The following SAMD12 variants were observed in gnomAD, a reference collection of about 807,000 sequenced individuals.
SAMD12 encodes sterile alpha motif domain containing 12, also known as sterile alpha motif domain-containing protein 12.
A neutral mutation model predicts 15.0 loss-of-function variants in SAMD12; 9 were observed. The ratio of observed to expected loss-of-function variants is 0.60; its 90% CI spans 0.36 to 1.05. The LOEUF is 1.05. Among genes scored for constraint, SAMD12 ranks in the 50% least tolerant of loss-of-function variants. SAMD12 has a pLI of 0.01. For synonymous variants in SAMD12, 86 were observed against 90.1 expected (o/e 0.96, Z 0.25); for missense variants, 230 against 234.2 (o/e 0.98, Z 0.12).
intron 4 of SAMD12, among the ~76,000 whole-genome samples, chr8:118,304,482 C>G (rs561563475): frequency 1.5e-4 from 23 of 152,282 alleles, no homozygotes; most frequent in African/African-American, 5.1e-4. Flanking sequence ...TTAAAAATGA[C>G]TTATCCAGTG....
chr8:118,324,956 T>C (rs1463405887), intron 4 of SAMD12, among the ~76,000 whole-genome samples: 1 of 152,194 alleles, frequency 6.6e-6, no homozygotes, highest in African/African-American at 2.4e-5. Context: ...TGAATTAACC[T>C]ACACCATGCT....
At chr8:118,595,994 G>A (rs1302111372) in intron 1 of SAMD12, among the ~76,000 whole-genome samples, 1 of 152,188 alleles carries the variant, frequency 6.6e-6, no homozygotes, top group Non-Finnish European at 1.5e-5. Flanking sequence ...GATATAAGTG[G>A]ACAAGATGTG....
At chr8:118,138,798 G>A in the SAMD12 span, among the ~76,000 whole-genome samples, 1 of 152,182 alleles carries the variant, frequency 6.6e-6, no homozygotes, top group African/African-American at 2.4e-5. Context: ...CAGTTCAGGA[G>A]GCTGCAGGAG....
intron 2 of SAMD12, among the ~76,000 whole-genome samples, chr8:118,486,239 T>A (rs62531880): frequency 6.6e-6 from 1 of 150,876 alleles, no homozygotes; most frequent in Non-Finnish European, 1.5e-5. Flanking sequence ...ACGGTGAAAC[T>A]CCGTCTCTAC....
chr8:118,580,951 G>C, intron 1 of SAMD12, 58 bp from the exon 2 acceptor site: 1 of 1,372,000 alleles, frequency 7.3e-7, no homozygotes, highest in Non-Finnish European at 1.0e-6. Context: ...AGGTGTCCAT[G>C]ACAGAAAATA....
intron 2 of SAMD12, among the ~76,000 whole-genome samples, chr8:118,473,081 G>C (rs1051925513): frequency 6.6e-6 from 1 of 152,162 alleles, no homozygotes; most frequent in African/African-American, 2.4e-5. Flanking sequence ...AGGTGAGGCA[G>C]TGGGGAGAAG....
At chr8:118,522,214 ACG>A (rs71981028) in intron 2 of SAMD12, among the ~76,000 whole-genome samples, 667 of 59,172 alleles carry the variant, frequency 0.011, 12 homozygotes, top group African/African-American at 0.032. Context: ...ACACACACAC[ACG>A]ATAAAAAGAG....
intron 1 of SAMD12, among the ~76,000 whole-genome samples, chr8:118,606,597 G>A (rs1447022464): frequency 6.8e-6 from 1 of 147,634 alleles, no homozygotes; most frequent in Non-Finnish European, 1.5e-5. Context: ...GAAAAGAAAA[G>A]AAAAAAAAAC....
chr8:118,188,979 T>C (rs1039968441), downstream of SAMD12, among the ~76,000 whole-genome samples: 1 of 152,142 alleles, frequency 6.6e-6, no homozygotes, highest in Admixed American at 6.5e-5. Context: ...TTGGCCACCA[T>C]CTTAGAGAGA....
chr8:118,253,854 G>A (rs187459650), intron 4 of SAMD12, among the ~76,000 whole-genome samples: 88 of 152,250 alleles, frequency 5.8e-4, no homozygotes, highest in Non-Finnish European at 1.0e-3. Context: ...CATATTTACT[G>A]AGTGCCTGCT....
rs186067467 is a variant in SAMD12 at position 118,486,287 on chromosome 8, G to A, written c.193-46326C>T. ...AAAAATTAGTCGGGTGTAGTGGTGG[G>A]CGCCTGTAGTCCCAGCTACTCGGGA... is the stretch of plus-strand genomic sequence containing the variant. On this transcript the variant is annotated intron_variant, in intron 2 of 3. Coordinates refer to ENST00000314727, the MANE Select transcript of SAMD12 (RefSeq NM_207506.3). 8.2e-3 allele frequency among the ~76,000 whole-genome samples: 1,247 copies of A among 151,928 alleles called. 7 individuals are homozygous for A. Among genetic ancestry groups the A allele is most frequent in the Non-Finnish European group, 0.013 (913 of 67,926 alleles).
intron 3 of SAMD12, among the ~76,000 whole-genome samples, chr8:118,426,760 T>TA (rs1482594979): frequency 1.3e-5 from 2 of 152,086 alleles, no homozygotes; most frequent in Admixed American, 6.5e-5. Flanking sequence ...ATGGGAGAAA[T>TA]AAAAATAATG....
chr8:118,180,966 A>G, the SAMD12 span, among the ~76,000 whole-genome samples: 2 of 152,136 alleles, frequency 1.3e-5, no homozygotes, highest in Non-Finnish European at 2.9e-5. Flanking sequence ...GTCCCCTACA[A>G]CCTTACCTGA....
the SAMD12 span, among the ~76,000 whole-genome samples, chr8:118,179,084 G>A: frequency 6.6e-6 from 1 of 152,166 alleles, no homozygotes; most frequent in Non-Finnish European, 1.5e-5. Flanking sequence ...ATGGATGCAA[G>A]CATTTGGAAT....
intron 2 of SAMD12, among the ~76,000 whole-genome samples, chr8:118,535,127 G>T (rs1242216718): frequency 6.6e-6 from 1 of 152,148 alleles, no homozygotes; most frequent in Non-Finnish European, 1.5e-5. Flanking sequence ...TGGGGTTTTG[G>T]TGTGGATGTC....
the SAMD12 span, among the ~76,000 whole-genome samples, chr8:118,169,694 G>A: frequency 6.6e-6 from 1 of 152,118 alleles, no homozygotes; most frequent in Admixed American, 6.5e-5. Flanking sequence ...GTTTACAAGA[G>A]GCAATGTGTA....
chr8:118,621,591 G>A (rs879654233), intron 1 of SAMD12: 5 of 606,304 alleles, frequency 8.2e-6, no homozygotes, highest in African/African-American at 3.7e-5. Context: ...AAAGTCCTAC[G>A]CACCTACCCT....
chr8:118,299,280 G>C lies in SAMD12; in HGVS notation c.433+80280C>G, dbSNP rs200441327. ...GGTCACATTTAGTAAGGTTGGTGGA[G>C]GCAGCGAAGAGGAGCATGAACATTT... On this transcript the variant is annotated intron_variant, in intron 4 of 4. Coordinates refer to the SAMD12 transcript ENST00000409003. Among the ~76,000 whole-genome samples, 7 of 152,280 alleles carry C rather than the reference G, an allele frequency of 4.6e-5. No homozygotes were observed. In the East Asian group the frequency reaches 1.3e-3, roughly 29 times the overall value.
intron 2 of SAMD12, among the ~76,000 whole-genome samples, chr8:118,483,329 G>C (rs1332063708): frequency 2.0e-5 from 3 of 152,122 alleles, no homozygotes; most frequent in East Asian, 1.9e-4. Context: ...ACTTTTTATG[G>C]AGAAACATAC....
Sources: allele counts gnomAD v4.1 joint callset (sites outside exome capture counted in the v4.1 genomes callset), GRCh38; gene constraint gnomAD v4.1.1; transcripts MANE v1.5; gene names NCBI Gene and HGNC (gene_info 2026-07-23, HGNC 2026-07-21).